The following ARHGAP6 variants were observed in gnomAD, a reference collection of about 807,000 sequenced individuals.
ARHGAP6 encodes Rho GTPase activating protein 6, also known as rho GTPase-activating protein 6.
A neutral mutation model predicts 55.7 loss-of-function variants in ARHGAP6; 16 were observed. The ratio of observed to expected loss-of-function variants is 0.29; its 90% CI spans 0.19 to 0.44. The LOEUF is 0.44. Among genes scored for constraint, ARHGAP6 ranks in the 20% least tolerant of loss-of-function variants. The probability of loss-of-function intolerance (pLI) is 1.00; values close to 1 mark genes in which losing one functional copy is unlikely to be tolerated. For synonymous variants in ARHGAP6, 382 were observed against 360.9 expected, an observed-to-expected ratio of 1.06 and a Z score of -0.66; for missense variants, 698 against 808.9, an observed-to-expected ratio of 0.86 and a Z score of 1.66.
intron 1 of ARHGAP6, among the ~76,000 whole-genome samples, chrX:11,582,747 G>A (rs1406234794): frequency 1.8e-5 from 2 of 111,279 alleles, no homozygotes; most frequent in Non-Finnish European, 3.8e-5. Flanking sequence ...ATTGCTAAGA[G>A]AATAATCTTA....
At chrX:11,579,015 C>T (rs1400858977) in intron 1 of ARHGAP6, among the ~76,000 whole-genome samples, 2 of 94,482 alleles carry the variant, frequency 2.1e-5, no homozygotes, top group Non-Finnish European at 4.2e-5. Context: ...GAACATCACA[C>T]ACCGGGGCCT....
At chrX:11,465,754 T>C (rs2050286343) in intron 1 of ARHGAP6, among the ~76,000 whole-genome samples, 1 of 112,280 alleles carries the variant, frequency 8.9e-6, no homozygotes, top group Non-Finnish European at 1.9e-5. Flanking sequence ...TTGCAAATTA[T>C]ATTAAATTAA....
chrX:11,215,768 C>T (rs1397816741), intron 2 of ARHGAP6, among the ~76,000 whole-genome samples: 2 of 112,426 alleles, frequency 1.8e-5, no homozygotes, highest in Non-Finnish European at 3.8e-5. Context: ...AGAAGGTGCA[C>T]GCCCAAGGGG....
intron 1 of ARHGAP6, among the ~76,000 whole-genome samples, chrX:11,440,530 C>T (rs2050029808): frequency 8.9e-6 from 1 of 111,758 alleles, no homozygotes; most frequent in Admixed American, 9.5e-5. Context: ...TTCTCCTTTG[C>T]CTGTGTAACT....
At chrX:11,451,086 A>G (rs1381962359) in intron 1 of ARHGAP6, among the ~76,000 whole-genome samples, 2 of 111,572 alleles carry the variant, frequency 1.8e-5, no homozygotes, top group Non-Finnish European at 3.8e-5. Context: ...TAACCTGCAC[A>G]CATTGGAAGT....
chrX:11,557,054 G>A (rs939336229), intron 1 of ARHGAP6, among the ~76,000 whole-genome samples: 1 of 112,077 alleles, frequency 8.9e-6, no homozygotes, highest in East Asian at 2.8e-4. Flanking sequence ...GAAACATAAA[G>A]TTACTAAAAA....
chrX:11,345,663 C>T (rs975941607), intron 1 of ARHGAP6, among the ~76,000 whole-genome samples: 4 of 111,706 alleles, frequency 3.6e-5, no homozygotes, highest in Admixed American at 2.8e-4. Flanking sequence ...GGGCTGCATC[C>T]CACAGTGTCT....
chrX:11,477,119 C>T (rs970781228), intron 1 of ARHGAP6, among the ~76,000 whole-genome samples: 1 of 103,656 alleles, frequency 9.6e-6, no homozygotes, highest in African/African-American at 3.5e-5. Context: ...TCTTACAACT[C>T]AAAAATTGAC....
chrX:11,344,678 C>CAAAAAAAAA (rs34123570), intron 1 of ARHGAP6, among the ~76,000 whole-genome samples: 352 of 28,049 alleles, frequency 0.013, no homozygotes, highest in Non-Finnish European at 0.015. Flanking sequence ...AACTCCATCA[C>CAAAAAAAAA]AAAAAAAAAA....
At chrX:11,203,364 C>G (rs1211509393) in intron 2 of ARHGAP6, among the ~76,000 whole-genome samples, 1 of 111,718 alleles carries the variant, frequency 9.0e-6, no homozygotes, top group Non-Finnish European at 1.9e-5. Context: ...TCCAGAGTGC[C>G]ATTTTTCTAA....
chrX:11,550,768 T>C (rs1569394312), intron 1 of ARHGAP6, among the ~76,000 whole-genome samples: 1 of 111,990 alleles, frequency 8.9e-6, no homozygotes, highest in Non-Finnish European at 1.9e-5. Context: ...ACTAGCCACT[T>C]GGAAAGTCTC....
At chrX:11,342,103 C>T (rs1316689911) in intron 1 of ARHGAP6, among the ~76,000 whole-genome samples, 1 of 111,696 alleles carries the variant, frequency 9.0e-6, no homozygotes, top group Non-Finnish European at 1.9e-5. Flanking sequence ...TCACTAAGTT[C>T]GCTCTGTTGC....
intron 1 of ARHGAP6, among the ~76,000 whole-genome samples, chrX:11,642,891 T>C (rs2052489604): frequency 9.0e-6 from 1 of 111,327 alleles, no homozygotes; most frequent in African/African-American, 3.3e-5. Flanking sequence ...GTGAATTAAA[T>C]CTCAATAAAG....
At chrX:11,535,866 G>A (rs1348698519) in intron 1 of ARHGAP6, among the ~76,000 whole-genome samples, 1 of 111,971 alleles carries the variant, frequency 8.9e-6, no homozygotes, top group Non-Finnish European at 1.9e-5. Context: ...TATCCTTTGG[G>A]TTGGAATTTA....
intron 11 of ARHGAP6, 193 bp downstream of exon 11, chrX:11,143,787 C>A (rs1040886746): frequency 4.4e-6 from 5 of 1,143,005 alleles, no homozygotes; most frequent in Non-Finnish European, 2.3e-6. Flanking sequence ...TCCCAGCCAA[C>A]GACTGGGCTC....
intron 1 of ARHGAP6, among the ~76,000 whole-genome samples, chrX:11,421,413 C>T (rs1213506481): frequency 7.2e-5 from 8 of 111,659 alleles, no homozygotes; most frequent in Non-Finnish European, 1.5e-4. Flanking sequence ...CAACCCCTGC[C>T]AGTTATGATA....
intron 1 of ARHGAP6, among the ~76,000 whole-genome samples, chrX:11,365,127 C>T (rs2049059432): frequency 8.9e-6 from 1 of 112,037 alleles, no homozygotes; most frequent in Admixed American, 9.5e-5. Context: ...CTGTACTTCT[C>T]CCTCTGATCA....
intron 2 of ARHGAP6, among the ~76,000 whole-genome samples, chrX:11,251,329 A>G (rs1172638390): frequency 8.9e-6 from 1 of 111,919 alleles, no homozygotes; most frequent in Admixed American, 9.5e-5. Flanking sequence ...CCCATCTATC[A>G]TTATAGTGTA....
At chrX:11,385,218 T>C (rs2049314512) in intron 1 of ARHGAP6, among the ~76,000 whole-genome samples, 1 of 111,352 alleles carries the variant, frequency 9.0e-6, no homozygotes, top group Non-Finnish European at 1.9e-5. Flanking sequence ...TCTCAACCAA[T>C]AACTGTATCT....
Sources: allele counts gnomAD v4.1 joint callset (sites outside exome capture counted in the v4.1 genomes callset), GRCh38; gene constraint gnomAD v4.1.1; transcripts MANE v1.5; gene names NCBI Gene and HGNC (gene_info 2026-07-23, HGNC 2026-07-21).